UBL3: variants seen among roughly 807,000 people sequenced by gnomAD.
The protein encoded by UBL3 is ubiquitin-like protein 3.
A neutral mutation model predicts 18.4 loss-of-function variants in UBL3; 6 were observed. The observed-to-expected ratio is 0.33, with a 90% CI of 0.18 to 0.64. UBL3 has a LOEUF of 0.64. Ranked by LOEUF, UBL3 falls within the 30% of genes least tolerant of loss-of-function variation. UBL3 has a pLI of 0.76. For missense variants in UBL3, 109 were observed against 142.9 expected, an observed-to-expected ratio of 0.76 and a Z score of 1.21; for synonymous variants, 49 against 46.6, an observed-to-expected ratio of 1.05 and a Z score of -0.21.
chr13:29,822,969 G>A (rs774640997), intron 1 of UBL3, among the ~76,000 whole-genome samples: 14 of 151,966 alleles, frequency 9.2e-5, no homozygotes, highest in Non-Finnish European at 1.6e-4. Flanking sequence ...AATGTGGAGC[G>A]TAGAGAGAAA....
At chr13:29,783,826 T>G (rs531366113) in intron 1 of UBL3, among the ~76,000 whole-genome samples, 33 of 152,276 alleles carry the variant, frequency 2.2e-4, no homozygotes, top group African/African-American at 7.9e-4. Flanking sequence ...GGGTTAAAAA[T>G]AAGACTTATT....
intron 1 of UBL3, among the ~76,000 whole-genome samples, chr13:29,817,156 A>G (rs1878303216): frequency 6.6e-6 from 1 of 152,224 alleles, no homozygotes; most frequent in African/African-American, 2.4e-5. Context: ...GGAGGAAAAT[A>G]CATTACCTTC....
chr13:29,849,432 GC>G, intron 1 of UBL3, 79 bp downstream of exon 1: 2 of 1,596,268 alleles, frequency 1.3e-6, no homozygotes, highest in Non-Finnish European at 8.6e-7. Context: ...GCAAATCTTC[GC>G]CCCACGCCTG....
intron 1 of UBL3, among the ~76,000 whole-genome samples, chr13:29,808,716 T>C (rs1877959266): frequency 6.6e-6 from 1 of 152,098 alleles, no homozygotes; most frequent in Admixed American, 6.6e-5. Flanking sequence ...AAGTTAAATA[T>C]CCTAACTACT....
chr13:29,777,775 TG>T lies in UBL3; in HGVS notation c.28-513del, dbSNP rs571481259. ...AGACGAATTAACAATAAACTATGTA[TG>T]TTTTTTTGAGACAGAGTCTCTGCTC... On this transcript the variant is annotated intron_variant, in intron 1 of 4. Coordinates refer to ENST00000380680, the MANE Select transcript of UBL3 (RefSeq NM_007106.4). Among the ~76,000 whole-genome samples the T allele has an allele frequency of 1.9e-3, 289 of 152,250 alleles. 2 individuals carry two copies. The highest frequency in any genetic ancestry group is 6.8e-3 in the African/African-American group (282 of 41,536).
chr13:29,804,584 G>C (rs960023734), intron 1 of UBL3, among the ~76,000 whole-genome samples: 1 of 151,844 alleles, frequency 6.6e-6, no homozygotes. Flanking sequence ...AAAAAAGGGA[G>C]AAGATCCAAA....
intron 1 of UBL3, among the ~76,000 whole-genome samples, chr13:29,821,476 GC>G (rs1289604181): frequency 6.6e-6 from 1 of 152,132 alleles, no homozygotes; most frequent in Non-Finnish European, 1.5e-5. Flanking sequence ...AATACCTTTT[GC>G]AGACATTTAT....
At chr13:29,785,142 G>A (rs1277340422) in intron 1 of UBL3, among the ~76,000 whole-genome samples, 1 of 152,126 alleles carries the variant, frequency 6.6e-6, no homozygotes, top group Non-Finnish European at 1.5e-5. Flanking sequence ...CTGACCTCAG[G>A]TGATCCACCT....
chr13:29,822,462 C>T (rs778440005), intron 1 of UBL3, among the ~76,000 whole-genome samples: 35 of 152,168 alleles, frequency 2.3e-4, no homozygotes, highest in South Asian at 4.1e-4. Context: ...TTTGATTCTA[C>T]TGAAATAGTC....
chr13:29,815,954 AT>A (rs562028907), intron 1 of UBL3, among the ~76,000 whole-genome samples: 118 of 152,286 alleles, frequency 7.7e-4, no homozygotes, highest in African/African-American at 2.6e-3. Flanking sequence ...CAGTTTCTGC[AT>A]GGAGTCATCA....
At position 29,849,869 on chromosome 13, in the gene UBL3, G is replaced by A. The variant is rs1287799075; in HGVS notation, c.-331C>T. The A allele has an allele frequency of 4.0e-6, 2 of 494,540 alleles. No individual in the cohort carries two copies. Among genetic ancestry groups the A allele is most frequent in the African/African-American group, 1.9e-5 (1 of 51,548 alleles). 30.6% of individuals were successfully genotyped at this position (494,540 alleles called of 1,614,324 possible). On this transcript the variant is annotated 5_prime_UTR_variant, in exon 1 of 5. Coordinates refer to ENST00000380680, the MANE Select transcript of UBL3 (RefSeq NM_007106.4). ...CCGAGCCGAGTGACACACGGACATG[G>A]AGAGGGGTGGGAGGGGGTTAAATGC...
intron 1 of UBL3, among the ~76,000 whole-genome samples, chr13:29,839,800 G>A (rs982165168): frequency 2.0e-5 from 3 of 151,920 alleles, no homozygotes; most frequent in African/African-American, 7.3e-5. Flanking sequence ...GGTGGCGGGT[G>A]CCTGTAGTCC....
intron 3 of UBL3, among the ~76,000 whole-genome samples, chr13:29,769,803 T>A (rs1416949138): frequency 6.6e-6 from 1 of 152,084 alleles, no homozygotes; most frequent in African/African-American, 2.4e-5. Context: ...TTAAGACATT[T>A]GATAACCAAA....
chr13:29,813,873 T>C (rs550397335), intron 1 of UBL3, among the ~76,000 whole-genome samples: 34 of 152,198 alleles, frequency 2.2e-4, no homozygotes, highest in Non-Finnish European at 4.7e-4. Flanking sequence ...CACCACAATA[T>C]TCTCATATGC....
chr13:29,788,552 ATT>A (rs1384752847), intron 1 of UBL3, among the ~76,000 whole-genome samples: 3 of 152,070 alleles, frequency 2.0e-5, no homozygotes, highest in African/African-American at 7.2e-5. Context: ...GACTCCTCCT[ATT>A]TCTTTCTAAA....
chr13:29,843,129 T>A (rs182155927), intron 1 of UBL3, among the ~76,000 whole-genome samples: 97 of 152,236 alleles, frequency 6.4e-4, no homozygotes, highest in African/African-American at 2.2e-3. Context: ...TGCTCAGAAA[T>A]CTTTAGTCAT....
At chr13:29,837,531 C>T (rs1301516876) in intron 1 of UBL3, among the ~76,000 whole-genome samples, 1 of 152,084 alleles carries the variant, frequency 6.6e-6, no homozygotes, top group Non-Finnish European at 1.5e-5. Context: ...TAATTGTAGT[C>T]CCATAAGGAA....
At chr13:29,804,022 C>A (rs1418038334) in intron 1 of UBL3, among the ~76,000 whole-genome samples, 1 of 151,480 alleles carries the variant, frequency 6.6e-6, no homozygotes, top group Non-Finnish European at 1.5e-5. Flanking sequence ...TTCTTCTCAT[C>A]TGCACATGGC....
intron 1 of UBL3, among the ~76,000 whole-genome samples, chr13:29,811,773 T>C (rs915067206): frequency 6.6e-5 from 10 of 152,122 alleles, no homozygotes; most frequent in African/African-American, 2.4e-4. Context: ...TCCCAATTTC[T>C]TGTTATGTGA....
Sources: allele counts gnomAD v4.1 joint callset (sites outside exome capture counted in the v4.1 genomes callset), GRCh38; gene constraint gnomAD v4.1.1; transcripts MANE v1.5; gene names NCBI Gene and HGNC (gene_info 2026-07-23, HGNC 2026-07-21).